COQ8A: variants seen among roughly 807,000 people sequenced by gnomAD.
The protein encoded by COQ8A is coenzyme Q8A.
COQ8A carries 51 observed loss-of-function variants against 65.0 expected under a neutral mutation model. That is an observed-to-expected ratio of 0.78 (90% CI 0.63 to 0.99). COQ8A has a LOEUF of 0.99. Among genes scored for constraint, COQ8A ranks in the 50% least tolerant of loss-of-function variants. The probability of loss-of-function intolerance (pLI) is 0.00; values close to 1 mark genes in which losing one functional copy is unlikely to be tolerated. For synonymous variants in COQ8A, 371 were observed against 353.2 expected, an observed-to-expected ratio of 1.05 and a Z score of -0.57; for missense variants, 940 against 875.0, an observed-to-expected ratio of 1.07 and a Z score of -0.94.
chr1:226,942,226 C>T (rs549117373), intron 1 of COQ8A, among the ~76,000 whole-genome samples: 3 of 151,988 alleles, frequency 2.0e-5, no homozygotes, highest in South Asian at 2.1e-4. Context: ...GGGACCTGCC[C>T]GTGAGTAGGT....
chr1:226,952,386 A>G lies in COQ8A; in HGVS notation c.-9-8991A>G, dbSNP rs1657438235. On this transcript the variant is annotated intron_variant, in intron 1 of 14. Transcript: ENST00000366777. ...ACTTTTTAAAATTTTAATAAAAGAT[A>G]TTTAAGATTATTTTTATTTTATTTA... Among the ~76,000 whole-genome samples, 3 of 151,378 alleles carry G rather than the reference A, an allele frequency of 2.0e-5. No individual in the cohort carries two copies. In the South Asian group the frequency reaches 6.2e-4, roughly 31 times the overall value.
chr1:226,947,777 A>G (rs906609632), intron 1 of COQ8A, among the ~76,000 whole-genome samples: 1 of 148,448 alleles, frequency 6.7e-6, no homozygotes, highest in African/African-American at 2.5e-5. Flanking sequence ...AACCTAGGCA[A>G]CAGTAAGACC....
intron 2 of COQ8A, among the ~76,000 whole-genome samples, chr1:226,964,521 C>T (rs770865017): frequency 3.3e-5 from 5 of 152,346 alleles, no homozygotes; most frequent in East Asian, 3.9e-4. Flanking sequence ...ATGCATACCC[C>T]GGCTGGTGGG....
At chr1:226,976,551 C>T (rs1479384901) in intron 4 of COQ8A, among the ~76,000 whole-genome samples, 12 of 152,200 alleles carry the variant, frequency 7.9e-5, no homozygotes, top group Non-Finnish European at 4.4e-5. Context: ...CAGCCAGGTG[C>T]TCTTCACCCT....
rs910022178 is a variant in COQ8A, at chr1:226,982,875, C to T, written c.940-19C>T. On this transcript the variant is annotated intron_variant, in intron 7 of 14. Coordinates refer to ENST00000366777, the MANE Select transcript of COQ8A (RefSeq NM_020247.5). The stretch of plus-strand genomic sequence containing the variant: ...CAGGCAGGGCATGCTCAGAGCCCCT[C>T]CCTGGCCCTGCCCTTCAGAAAACTC... 8.7e-6 allele frequency: 14 copies of T among 1,612,534 alleles called. No homozygotes were observed. The highest frequency in any genetic ancestry group is 1.7e-5 in the Admixed American group (1 of 59,970).
intron 8 of COQ8A, 58 bp from the exon 9 acceptor site, chr1:226,983,494 A>T: frequency 6.6e-7 from 1 of 1,519,942 alleles, no homozygotes; most frequent in Non-Finnish European, 9.1e-7. Flanking sequence ...GGAGTGCCCC[A>T]GGCAGGGCCC....
In COQ8A at chr1:226,986,709, A is replaced by G. The variant is rs1660142710; in HGVS notation, c.1916A>G (p.Asn639Ser). The change falls in exon 15 of 15, where the codon AAC becomes AGC. Residue 639 changes from asparagine (N) to serine (S), a missense_variant. Coordinates refer to ENST00000366777, the MANE Select transcript of COQ8A (RefSeq NM_020247.5). ...GCCATGTTCGAGGAGGCCTACAGCA[A>G]CTACTGCAAGAGGCAGGCCCAGCAG... Reference protein sequence around the residue: ...CKAMFEEAYSNYCKRQAQQ With the variant: ...CKAMFEEAYSSYCKRQAQQ 4 of 1,613,854 alleles carry G rather than the reference A, an allele frequency of 2.5e-6. No homozygotes were observed. The highest frequency in any genetic ancestry group is 3.4e-6 in the Non-Finnish European group (4 of 1,180,032).
chr1:226,986,517 C>T lies in COQ8A; in HGVS notation c.1724C>T (p.Pro575Leu). Residue 575 changes from proline to leucine, a missense_variant, in exon 15 of 15, where the codon CCT becomes CTT. Pro to Leu is a moderately conservative substitution (Grantham distance 98, BLOSUM62 -3). Coordinates refer to ENST00000366777, the MANE Select transcript of COQ8A (RefSeq NM_020247.5). ...GGGGAGGCCTTCGCCTCTGATGAGC[C>T]TTTTGATTTTGGCACTCAGAGCACC... Reference protein sequence around the residue: ...ILGEAFASDEPFDFGTQSTTE... With the variant: ...ILGEAFASDELFDFGTQSTTE... 6.2e-7 allele frequency: 1 copy of T among 1,613,814 alleles called. No homozygotes were observed. Among genetic ancestry groups the T allele is most frequent in the Non-Finnish European group, 8.5e-7 (1 of 1,180,018 alleles).
chr1:226,985,921 C>T (rs1386225055), intron 14 of COQ8A, among the ~76,000 whole-genome samples: 4 of 152,102 alleles, frequency 2.6e-5, no homozygotes, highest in African/African-American at 7.3e-5. Context: ...AGCTCTCTCC[C>T]GCCTCTTCCT....
In COQ8A at chr1:226,945,310, T is replaced by C. The variant is rs16846716; in HGVS notation, c.-10+4911T>C. 3.3e-3 allele frequency among the ~76,000 whole-genome samples: 495 copies of C among 152,280 alleles called. 16 individuals are homozygous for C. In the East Asian group the frequency reaches 0.063, roughly 19 times the overall value. ...GGCCCTCATCACAATATATGCGGTG[T>C]CATCTGGGAACTGGAGGACCTGGTG... On this transcript the variant is annotated intron_variant, in intron 1 of 14. Transcript: ENST00000366777.
At chr1:226,973,589 C>T (rs1659024203) in intron 4 of COQ8A, among the ~76,000 whole-genome samples, 1 of 152,214 alleles carries the variant, frequency 6.6e-6, no homozygotes, top group African/African-American at 2.4e-5. Context: ...GTGAGAGCAG[C>T]CGCTAGGAAC....
At position 226,983,873 on chromosome 1, in the gene COQ8A, C is replaced by G. The variant is rs998937188; in HGVS notation, c.1256+19C>G. 3 of 1,584,902 alleles carry G rather than the reference C, an allele frequency of 1.9e-6. No individual in the cohort carries two copies. The highest frequency in any genetic ancestry group is 2.6e-6 in the Non-Finnish European group (3 of 1,166,120). On this transcript the variant is annotated intron_variant, in intron 10 of 14. Coordinates refer to ENST00000366777, the MANE Select transcript of COQ8A (RefSeq NM_020247.5). ...AGTTCAGGTGTGGCCCCCGGCCGGG[C>G]CCCTTGCGTGTTTGCACCAGGGAGG...
chr1:226,945,644 A>T (rs1375816124), intron 1 of COQ8A, among the ~76,000 whole-genome samples: 3 of 152,178 alleles, frequency 2.0e-5, no homozygotes, highest in Non-Finnish European at 4.4e-5. Flanking sequence ...CAAGGGTTGG[A>T]CATTGTGCTG....
intron 5 of COQ8A, among the ~76,000 whole-genome samples, chr1:226,980,319 A>G (rs996025873): frequency 1.8e-4 from 27 of 152,202 alleles, no homozygotes; most frequent in East Asian, 3.9e-4. Context: ...AGCTTTGCCA[A>G]TGGGCTACCT....
At chr1:226,978,279 G>A (rs553280019) in intron 5 of COQ8A, among the ~76,000 whole-genome samples, 4 of 101,216 alleles carry the variant, frequency 4.0e-5, no homozygotes, top group Admixed American at 1.0e-4. Context: ...CTGAACACCC[G>A]CACACCTCCT....
rs116286528 is a variant in COQ8A, at chr1:226,982,196, G to A, written c.853+47G>A. ...TGCCCCGGGACTGCGTGGGCTGCTGGGGGGGTCAACTTCCAGGGCCGGGAG... is the reference window on the plus strand; with the variant it reads ...TGCCCCGGGACTGCGTGGGCTGCTGAGGGGGTCAACTTCCAGGGCCGGGAG... On this transcript the variant is annotated intron_variant, in intron 6 of 14. Transcript: ENST00000366777. 1,566 of 1,542,640 alleles carry A rather than the reference G, an allele frequency of 1.0e-3. 10 individuals carry two copies. In the African/African-American group the frequency reaches 0.019, roughly 18 times the overall value.
In COQ8A at chr1:226,986,715, G is replaced by T. The variant is rs764835684; in HGVS notation, c.1922G>T (p.Cys641Phe). 2 of 1,613,508 alleles carry T rather than the reference G, an allele frequency of 1.2e-6. No individual in the cohort carries two copies. Among genetic ancestry groups the T allele is most frequent in the African/African-American group, 2.7e-5 (2 of 74,940 alleles). Residue 641 changes from cysteine to phenylalanine, a missense_variant, in exon 15 of 15, where the codon TGC (cysteine) becomes TTC (phenylalanine). Physicochemically the swap from Cys to Phe is radical, Grantham distance 205. Coordinates refer to ENST00000366777, the MANE Select transcript of COQ8A (RefSeq NM_020247.5). ...AMFEEAYSNY[C>F]KRQAQQ ...TTCGAGGAGGCCTACAGCAACTACTGCAAGAGGCAGGCCCAGCAGTAGGGC... is the reference window on the plus strand; with the variant it reads ...TTCGAGGAGGCCTACAGCAACTACTTCAAGAGGCAGGCCCAGCAGTAGGGC...
At chr1:226,977,594 C>A in intron 5 of COQ8A, 71 bp downstream of exon 5, 1 of 1,488,974 alleles carries the variant, frequency 6.7e-7, no homozygotes, top group Non-Finnish European at 9.1e-7. Flanking sequence ...CCCCCAGCCC[C>A]ACCTGTGCTC....
At chr1:226,977,568 G>A (rs1157712602) in intron 5 of COQ8A, 45 bp downstream of exon 5, 10 of 1,536,666 alleles carry the variant, frequency 6.5e-6, no homozygotes, top group Non-Finnish European at 8.8e-6. Context: ...GGCCCCGGGA[G>A]GGTTGAGCCT....
Sources: allele counts gnomAD v4.1 joint callset (sites outside exome capture counted in the v4.1 genomes callset), GRCh38; gene constraint gnomAD v4.1.1; transcripts MANE v1.5; gene names NCBI Gene and HGNC (gene_info 2026-07-23, HGNC 2026-07-21).